USP20: variants seen among roughly 807,000 people sequenced by gnomAD.
USP20 encodes the protein ubiquitin carboxyl-terminal hydrolase 20.
USP20 carries 80 observed loss-of-function variants against 124.2 expected under a neutral mutation model. The ratio of observed to expected loss-of-function variants is 0.64; its 90% CI spans 0.54 to 0.78. The LOEUF (loss-of-function observed/expected upper bound fraction) is 0.78, where lower values mean the gene tolerates loss of function less well. USP20 is among the 30% of genes least tolerant of loss of function. The pLI, the probability that USP20 is intolerant of heterozygous loss-of-function variation, is 0.00. For synonymous variants in USP20, 481 were observed against 512.3 expected, an observed-to-expected ratio of 0.94 and a Z score of 0.83; for missense variants, 1,043 against 1,244.4, an observed-to-expected ratio of 0.84 and a Z score of 2.44.
chr9:129,853,059 GA>G (rs1283946408), intron 3 of USP20, among the ~76,000 whole-genome samples: 1 of 152,100 alleles, frequency 6.6e-6, no homozygotes, highest in East Asian at 1.9e-4. Flanking sequence ...GAAAATTTTT[GA>G]AAAGGTAATA....
intron 11 of USP20, 70 bp downstream of exon 11, chr9:129,868,519 C>T (rs368620186): frequency 2.0e-5 from 31 of 1,516,772 alleles, no homozygotes; most frequent in South Asian, 1.1e-4. Context: ...TGCTGAGCGC[C>T]GACCTGCAGT....
Position 129,858,046 on chromosome 9 carries a change from C to T in USP20, c.136-4C>T. 1 of 1,613,668 alleles carries T rather than the reference C, an allele frequency of 6.2e-7. No homozygotes were observed. The highest frequency in any genetic ancestry group is 8.5e-7 in the Non-Finnish European group (1 of 1,179,726). On this transcript the variant is annotated splice_polypyrimidine_tract_variant and splice_region_variant and intron_variant, in intron 4 of 25. Transcript: ENST00000372429. The stretch of plus-strand genomic sequence containing the variant: ...CAGTCCACTCTCCTTCCCTCTCTTC[C>T]CAGGTTGCCTGCCCCTATGTTGGCT...
At chr9:129,851,745 C>A (rs1280826369) in intron 2 of USP20, among the ~76,000 whole-genome samples, 1 of 151,734 alleles carries the variant, frequency 6.6e-6, no homozygotes, top group Admixed American at 6.6e-5. Flanking sequence ...TTACTTTGTG[C>A]TTTCTTGTTT....
At chr9:129,848,257 T>C (rs2032701947) in intron 1 of USP20, among the ~76,000 whole-genome samples, 1 of 147,968 alleles carries the variant, frequency 6.8e-6, no homozygotes, top group East Asian at 2.1e-4. Context: ...GATCGCACCA[T>C]TGCACTCCAG....
chr9:129,841,463 A>C (rs1167519104), intron 1 of USP20, among the ~76,000 whole-genome samples: 1 of 152,230 alleles, frequency 6.6e-6, no homozygotes, highest in Non-Finnish European at 1.5e-5. Flanking sequence ...GGGAGAGAGA[A>C]CAATTCAGTC....
rs139682247 is a variant in USP20, at chr9:129,869,691, C to T, written c.1412C>T (p.Thr471Met). 98 of 1,614,112 alleles carry T rather than the reference C, an allele frequency of 6.1e-5. No homozygotes were observed. Among genetic ancestry groups the T allele is most frequent in the South Asian group, 4.4e-4 (40 of 91,084 alleles). Residue 471 changes from threonine (T) to methionine (M), a missense_variant, in exon 14 of 26, where the codon ACG becomes ATG. Transcript: ENST00000372429. ...TCDRVSTTVE[T>M]FQDLSLPIPG... ...CCACAGGTATCCACCACAGTGGAAA[C>T]GTTCCAGGACTTATCACTGCCCATT...
At chr9:129,835,622 G>A (rs1227338329) in intron 1 of USP20, 123 bp downstream of exon 1, 1 of 158,870 alleles carries the variant, frequency 6.3e-6, no homozygotes, top group African/African-American at 2.4e-5. Flanking sequence ...GCGGCCCGGT[G>A]AGCGGAGCCC....
Position 129,874,710 on chromosome 9 carries a change from C to T in USP20, c.1875C>T (p.Thr625=), listed in dbSNP as rs755444500. The change falls in exon 18 of 26, where the codon ACC becomes ACT. Residue 625 remains threonine, a synonymous_variant. Transcript: ENST00000372429. ...CCAAGGAGTGCACATCCCAGATCACCACCTACGACCTCCTCTCGGTCATCT... is the reference window on the plus strand; with the variant it reads ...CCAAGGAGTGCACATCCCAGATCACTACCTACGACCTCCTCTCGGTCATCT... ...FLAKECTSQI[T]TYDLLSVICH... is the part of the protein sequence containing the mutation. 5 of 1,613,872 alleles carry T rather than the reference C, an allele frequency of 3.1e-6. No homozygotes were observed. Among genetic ancestry groups the T allele is most frequent in the Non-Finnish European group, 4.2e-6 (5 of 1,180,040 alleles).
chr9:129,856,256 C>T (rs368788642), intron 3 of USP20, 51 bp from the exon 4 acceptor site: 23 of 1,584,162 alleles, frequency 1.5e-5, no homozygotes, highest in East Asian at 4.5e-5. Flanking sequence ...TGCTCAGCCC[C>T]GCAACGGGCT....
intron 15 of USP20, among the ~76,000 whole-genome samples, chr9:129,871,757 C>A (rs545842639): frequency 2.0e-5 from 3 of 152,336 alleles, no homozygotes; most frequent in South Asian, 4.1e-4. Context: ...TCTCTTGACG[C>A]CCAGGCTGGA....
rs116247689 is a variant in USP20 at position 129,842,106 on chromosome 9, G to A, written c.-129+6607G>A. ...GAGGCCCTAAGTCATTCAACTTAGC[G>A]TTTACTGTGCATTGGCTCACTTCAT... On this transcript the variant is annotated intron_variant, in intron 1 of 25. Coordinates refer to ENST00000372429, the MANE Select transcript of USP20 (RefSeq NM_001110303.4). Among the ~76,000 whole-genome samples, 191 of 152,224 alleles carry A rather than the reference G, an allele frequency of 1.3e-3. 1 individual carries two copies. The highest frequency in any genetic ancestry group is 4.5e-3 in the African/African-American group (185 of 41,536).
chr9:129,859,860 C>T (rs1465405808), intron 6 of USP20, among the ~76,000 whole-genome samples: 9 of 152,020 alleles, frequency 5.9e-5, no homozygotes, highest in Non-Finnish European at 8.8e-5. Flanking sequence ...CAGCGTGAGA[C>T]CCTGTCTCTA....
At chr9:129,838,881 C>T (rs570222573) in intron 1 of USP20, among the ~76,000 whole-genome samples, 26 of 152,282 alleles carry the variant, frequency 1.7e-4, no homozygotes, top group Non-Finnish European at 2.4e-4. Flanking sequence ...GGGACTCTTC[C>T]GGACAGAGCT....
At chr9:129,837,689 A>G (rs11793686) in intron 1 of USP20, among the ~76,000 whole-genome samples, 28,566 of 152,112 alleles carry the variant, frequency 0.19, 3,214 homozygotes, top group South Asian at 0.26. Flanking sequence ...AATAGAGCAA[A>G]ACAAGGGAAT....
intron 11 of USP20, 112 bp downstream of exon 11, chr9:129,868,561 C>T (rs1376183690): frequency 1.2e-5 from 18 of 1,448,202 alleles, no homozygotes; most frequent in South Asian, 5.7e-5. Context: ...TCACTAGACC[C>T]GAATGACAGT....
rs912853180 is a variant in USP20 at position 129,870,319 on chromosome 9, C to T, written c.1566-134C>T. On this transcript the variant is annotated intron_variant, in intron 14 of 25. Coordinates refer to ENST00000372429, the MANE Select transcript of USP20 (RefSeq NM_001110303.4). ...GGCTCCAGGCCTCTGCCCCGACCCG[C>T]CGTGCCCGGCTGCTTCTCTGGGCCT... is the stretch of plus-strand genomic sequence containing the variant. 7 of 903,816 alleles carry T rather than the reference C, an allele frequency of 7.7e-6. No homozygotes were observed. The Middle Eastern group carries it at 6.8e-4, about 88-fold the overall frequency. 56.0% of individuals were successfully genotyped at this position (903,816 alleles called of 1,614,324 possible). A position where few individuals can be genotyped will look rare whatever the true frequency, so the allele number is the denominator to read the frequency against.
chr9:129,845,272 A>G (rs56262993), intron 1 of USP20, among the ~76,000 whole-genome samples: 21,809 of 152,030 alleles, frequency 0.14, 2,059 homozygotes, highest in African/African-American at 0.26. Context: ...TCCAGGGAAC[A>G]GAGGCTCTGT....
chr9:129,845,428 A>G (rs534101490), intron 1 of USP20, among the ~76,000 whole-genome samples: 6 of 152,226 alleles, frequency 3.9e-5, no homozygotes, highest in Non-Finnish European at 8.8e-5. Context: ...TTTTGTTTTT[A>G]GGAGCAGAGG....
rs765473068 is a variant in USP20, at chr9:129,879,666, C to G, written c.2584+22C>G. On this transcript the variant is annotated intron_variant, in intron 24 of 25. Coordinates refer to ENST00000372429, the MANE Select transcript of USP20 (RefSeq NM_001110303.4). The surrounding 1 kb of genome is among the most constrained non-coding windows in gnomAD (Gnocchi z 4.2). ...CAGGGTGAGTTCCCCCTGGGGTCAG[C>G]CAGGCTCCTCTCTGCCCTTCCTGGC... 3 of 1,613,428 alleles carry G rather than the reference C, an allele frequency of 1.9e-6. No homozygotes were observed. The South Asian group carries it at 3.3e-5, about 18-fold the overall frequency.
Sources: allele counts gnomAD v4.1 joint callset (sites outside exome capture counted in the v4.1 genomes callset), GRCh38; gene constraint gnomAD v4.1.1; non-coding constraint Gnocchi (gnomAD v3.1); transcripts MANE v1.5; gene names NCBI Gene and HGNC (gene_info 2026-07-23, HGNC 2026-07-21).